LUZP2: variants seen among roughly 807,000 people sequenced by gnomAD.
The protein encoded by LUZP2 is leucine zipper protein 2.
In LUZP2, 52 loss-of-function variants were observed where a neutral mutation model predicts 51.6. That is an observed-to-expected ratio of 1.01 (90% CI 0.81 to 1.27). LUZP2 has a LOEUF of 1.27. Among genes scored for constraint, LUZP2 ranks in the 50% most tolerant of loss-of-function variants. The probability of loss-of-function intolerance (pLI) is 0.00; values close to 1 mark genes in which losing one functional copy is unlikely to be tolerated. For synonymous variants in LUZP2, 154 were observed against 137.3 expected (o/e 1.12, Z -0.85); for missense variants, 436 against 395.4 (o/e 1.10, Z -0.87).
At chr11:25,007,310 ACTATTAAATTTGCCAGATT>A in intron 9 of LUZP2, among the ~76,000 whole-genome samples, 1 of 152,198 alleles carries the variant, frequency 6.6e-6, no homozygotes, top group Admixed American at 6.5e-5. Context: ...AAGTTGTAAA[ACTATTAAATTTGCCAGATT>A]TGGTGGCTCA....
intron 1 of LUZP2, among the ~76,000 whole-genome samples, chr11:24,599,134 T>G (rs2133858288): frequency 6.6e-6 from 1 of 152,276 alleles, no homozygotes; most frequent in South Asian, 2.1e-4. Flanking sequence ...AAATGTTTTC[T>G]TCATCAACAA....
intron 1 of LUZP2, among the ~76,000 whole-genome samples, chr11:24,522,460 C>A (rs1453876425): frequency 6.6e-6 from 1 of 151,980 alleles, no homozygotes. Flanking sequence ...CATCCGTAAG[C>A]AAGTCTTGCA....
chr11:24,833,457 G>A (rs1359533416), intron 5 of LUZP2, among the ~76,000 whole-genome samples: 1 of 152,140 alleles, frequency 6.6e-6, no homozygotes, highest in Non-Finnish European at 1.5e-5. Flanking sequence ...TTGCAACATT[G>A]TAAGAATTCC....
At chr11:24,717,749 C>T (rs1025273113) in intron 1 of LUZP2, among the ~76,000 whole-genome samples, 1 of 152,016 alleles carries the variant, frequency 6.6e-6, no homozygotes, top group African/African-American at 2.4e-5. Context: ...TCTCCCTCCT[C>T]CCTCCCTTCA....
intron 9 of LUZP2, among the ~76,000 whole-genome samples, chr11:25,040,192 G>T (rs1858004205): frequency 6.6e-6 from 1 of 152,038 alleles, no homozygotes; most frequent in Non-Finnish European, 1.5e-5. Flanking sequence ...AACAGAACTT[G>T]ATTTTCATGC....
chr11:24,799,197 C>T (rs528516229), intron 5 of LUZP2, among the ~76,000 whole-genome samples: 16 of 152,294 alleles, frequency 1.1e-4, no homozygotes, highest in African/African-American at 3.4e-4. Context: ...GACATGAGCT[C>T]GTTCAGTTAT....
At chr11:24,677,211 T>C (rs1294864872) in intron 1 of LUZP2, among the ~76,000 whole-genome samples, 3 of 152,222 alleles carry the variant, frequency 2.0e-5, no homozygotes, top group Non-Finnish European at 4.4e-5. Flanking sequence ...GCTTCCATTC[T>C]ATTTTCTCGG....
At chr11:24,575,874 T>C (rs1015129791) in intron 1 of LUZP2, among the ~76,000 whole-genome samples, 2 of 151,150 alleles carry the variant, frequency 1.3e-5, no homozygotes, top group Non-Finnish European at 2.9e-5. Flanking sequence ...TTTTCCTCCA[T>C]TTTTTTCTCT....
At chr11:24,845,613 G>T (rs78134472) in intron 5 of LUZP2, among the ~76,000 whole-genome samples, 1,612 of 152,290 alleles carry the variant, frequency 0.011, 25 homozygotes, top group African/African-American at 0.037. Flanking sequence ...CAATTCCCAT[G>T]TGTCAAGGAA....
At chr11:24,549,531 C>A (rs1303479639) in intron 1 of LUZP2, among the ~76,000 whole-genome samples, 1 of 152,024 alleles carries the variant, frequency 6.6e-6, no homozygotes. Flanking sequence ...CGTTTATCAT[C>A]AAGTGTTATG....
chr11:24,765,766 A>G (rs1028909988), intron 5 of LUZP2, among the ~76,000 whole-genome samples: 8 of 151,536 alleles, frequency 5.3e-5, no homozygotes, highest in African/African-American at 1.9e-4. Context: ...AGCTAGGACT[A>G]CAGATGCCCG....
In LUZP2 at chr11:25,010,169, T is replaced by A. The variant is rs186529139; in HGVS notation, c.765+26876T>A. ...TAATTTCTATTCAAGTAACCTTAAATTCAAGCATATGCTGCTATTTCCTAG... is the reference window on the plus strand; with the variant it reads ...TAATTTCTATTCAAGTAACCTTAAAATCAAGCATATGCTGCTATTTCCTAG... On this transcript the variant is annotated intron_variant, in intron 9 of 11. Coordinates refer to ENST00000336930, the MANE Select transcript of LUZP2 (RefSeq NM_001009909.4). Among the ~76,000 whole-genome samples the A allele has an allele frequency of 3.3e-5, 5 of 152,284 alleles. 1 individual carries two copies. The highest frequency in any genetic ancestry group is 6.5e-5 in the Admixed American group (1 of 15,286).
intron 5 of LUZP2, among the ~76,000 whole-genome samples, chr11:24,880,507 G>T (rs1852426001): frequency 6.6e-6 from 1 of 152,188 alleles, no homozygotes; most frequent in Admixed American, 6.5e-5. Context: ...GGAGCATCCT[G>T]TTTGGCTATC....
chr11:24,855,967 A>G (rs918622352), intron 5 of LUZP2, among the ~76,000 whole-genome samples: 1 of 152,114 alleles, frequency 6.6e-6, no homozygotes, highest in Non-Finnish European at 1.5e-5. Context: ...AGATAGATTA[A>G]AGACTTAAAT....
At chr11:24,840,564 G>A (rs1850997210) in intron 5 of LUZP2, among the ~76,000 whole-genome samples, 1 of 151,834 alleles carries the variant, frequency 6.6e-6, no homozygotes. Context: ...TAAAATATAT[G>A]TATACTCAGC....
At chr11:24,959,146 T>C (rs2133875430) in intron 7 of LUZP2, among the ~76,000 whole-genome samples, 2 of 152,296 alleles carry the variant, frequency 1.3e-5, no homozygotes, top group African/African-American at 4.8e-5. Context: ...CATGCTGTTT[T>C]GGTTACTGTA....
intron 7 of LUZP2, among the ~76,000 whole-genome samples, chr11:24,973,602 T>G (rs4923224): frequency 1.3e-5 from 2 of 151,838 alleles, no homozygotes; most frequent in Admixed American, 6.6e-5. Context: ...CCTTCTTAAC[T>G]TTGCTATAGC....
chr11:24,960,902 C>T (rs1855374962), intron 7 of LUZP2, among the ~76,000 whole-genome samples: 1 of 152,078 alleles, frequency 6.6e-6, no homozygotes, highest in Admixed American at 6.6e-5. Flanking sequence ...AAATTTCCCT[C>T]TACAGACTGC....
chr11:24,680,447 G>T (rs968284651), intron 1 of LUZP2, among the ~76,000 whole-genome samples: 2 of 152,174 alleles, frequency 1.3e-5, no homozygotes, highest in Admixed American at 1.3e-4. Flanking sequence ...ATCCAACCCA[G>T]ACTTCTCAGT....
Sources: allele counts gnomAD v4.1 joint callset (sites outside exome capture counted in the v4.1 genomes callset), GRCh38; gene constraint gnomAD v4.1.1; transcripts MANE v1.5; gene names NCBI Gene and HGNC (gene_info 2026-07-23, HGNC 2026-07-21).